Variants in GOLM1 observed in about 807,000 individuals in gnomAD.
GOLM1 encodes golgi membrane protein 1.
GOLM1 carries 31 observed loss-of-function variants against 50.5 expected under a neutral mutation model. That is an observed-to-expected ratio of 0.61 (90% CI 0.46 to 0.83). The LOEUF (loss-of-function observed/expected upper bound fraction) is 0.83. Among genes scored for constraint, GOLM1 ranks in the 40% least tolerant of loss-of-function variants. GOLM1 has a pLI of 0.00. For synonymous variants in GOLM1, 178 were observed against 192.8 expected, an observed-to-expected ratio of 0.92 and a Z score of 0.64; for missense variants, 491 against 501.3, an observed-to-expected ratio of 0.98 and a Z score of 0.20.
At chr9:86,053,556 T>TCC (rs1833860094) in intron 3 of GOLM1, among the ~76,000 whole-genome samples, 5 of 374 alleles carry the variant, frequency 0.013, 2 homozygotes, top group Non-Finnish European at 0.022. Context: ...AAACACACAC[T>TCC]ACACACACAC....
chr9:86,071,657 A>G (rs1325534986), intron 3 of GOLM1, among the ~76,000 whole-genome samples: 1 of 151,958 alleles, frequency 6.6e-6, no homozygotes, highest in Non-Finnish European at 1.5e-5. Flanking sequence ...TGGGCAACAG[A>G]GTGAGACTCT....
chr9:86,047,308 C>G (rs1435646126), intron 4 of GOLM1, among the ~76,000 whole-genome samples: 1 of 152,206 alleles, frequency 6.6e-6, no homozygotes, highest in African/African-American at 2.4e-5. Flanking sequence ...CGGACACAGC[C>G]AGGACAGACA....
chr9:86,062,496 G>A (rs945294078), intron 3 of GOLM1, among the ~76,000 whole-genome samples: 2 of 151,378 alleles, frequency 1.3e-5, no homozygotes, highest in Admixed American at 1.3e-4. Context: ...GAGGAGGGAG[G>A]AAGAGGAGGA....
chr9:86,037,787 G>A (rs1043549582), intron 6 of GOLM1, among the ~76,000 whole-genome samples: 2 of 152,316 alleles, frequency 1.3e-5, no homozygotes, highest in Non-Finnish European at 2.9e-5. Context: ...ACGGGAACTG[G>A]TGTCAGGGTG....
rs1833315620 is a variant in GOLM1, at chr9:86,040,721, C to T, written c.597+18G>A. ...AGGGGTACCTTCTAGAAACTCTTGG[C>T]AAAAATTCCCCAGTTACCTGCTGTC... is the stretch of plus-strand genomic sequence containing the variant. On this transcript the variant is annotated intron_variant, in intron 6 of 9. Transcript: ENST00000388712. The T allele has an allele frequency of 6.2e-7, 1 of 1,603,626 alleles. No homozygotes were observed. The highest frequency in any genetic ancestry group is 8.5e-7 in the Non-Finnish European group (1 of 1,176,842).
Position 86,036,324 on chromosome 9 carries a change from G to A in GOLM1, c.757+24C>T, listed in dbSNP as rs754992372. The A allele has an allele frequency of 1.4e-5, 22 of 1,613,438 alleles. No homozygotes were observed. In the South Asian group the frequency reaches 2.4e-4, roughly 18 times the overall value. Reference sequence around the variant, plus strand: ...ATGGGGCTCTGGAGAGCTGGGAACAGGGCAACTGCTGGGCTCTGCTTACCT... The same window carrying A: ...ATGGGGCTCTGGAGAGCTGGGAACAAGGCAACTGCTGGGCTCTGCTTACCT... On this transcript the variant is annotated intron_variant, in intron 7 of 9. Transcript: ENST00000388712.
intron 5 of GOLM1, 147 bp from the exon 6 acceptor site, chr9:86,041,015 G>A (rs1218895237): frequency 3.1e-6 from 2 of 643,230 alleles, no homozygotes; most frequent in Non-Finnish European, 5.4e-6. Context: ...GGCAACACGG[G>A]TGTGTGTTCA....
chr9:86,076,173 C>T (rs1834604593), intron 3 of GOLM1, among the ~76,000 whole-genome samples: 1 of 152,026 alleles, frequency 6.6e-6, no homozygotes, highest in Non-Finnish European at 1.5e-5. Flanking sequence ...AATCTCAGCA[C>T]TTTGGGAGGC....
intron 3 of GOLM1, among the ~76,000 whole-genome samples, chr9:86,074,462 T>C (rs1416546350): frequency 6.6e-6 from 1 of 152,204 alleles, no homozygotes; most frequent in African/African-American, 2.4e-5. Flanking sequence ...GCTTCAGCAC[T>C]GACCAACTCA....
At chr9:86,069,940 G>A (rs1474945198) in intron 3 of GOLM1, among the ~76,000 whole-genome samples, 1 of 152,138 alleles carries the variant, frequency 6.6e-6, no homozygotes, top group Non-Finnish European at 1.5e-5. Flanking sequence ...CTGGAGTGCA[G>A]TAGTGCAGTC....
intron 9 of GOLM1, among the ~76,000 whole-genome samples, chr9:86,029,643 T>C (rs1164246202): frequency 6.6e-6 from 1 of 152,214 alleles, no homozygotes; most frequent in Non-Finnish European, 1.5e-5. Flanking sequence ...CTTAATAAAG[T>C]TGGAGCTAAT....
intron 1 of GOLM1, among the ~76,000 whole-genome samples, chr9:86,094,111 G>A (rs957862405): frequency 1.3e-5 from 2 of 152,086 alleles, no homozygotes; most frequent in South Asian, 4.1e-4. Flanking sequence ...TCCCAAGAAT[G>A]TCTCTAAGCC....
At chr9:86,067,195 G>A (rs1349037181) in intron 3 of GOLM1, among the ~76,000 whole-genome samples, 1 of 152,160 alleles carries the variant, frequency 6.6e-6, no homozygotes, top group African/African-American at 2.4e-5. Flanking sequence ...AAAGTGCTGG[G>A]ATTACAGGTA....
At chr9:86,042,112 G>T (rs1161923941) in intron 5 of GOLM1, among the ~76,000 whole-genome samples, 13 of 152,130 alleles carry the variant, frequency 8.5e-5, no homozygotes. Context: ...GCGAGACTCC[G>T]TCTCAAAAAA....
chr9:86,053,613 A>ACCATT (rs1564347457), intron 3 of GOLM1, among the ~76,000 whole-genome samples: 20 of 8,260 alleles, frequency 2.4e-3, no homozygotes, highest in Middle Eastern at 0.056. Flanking sequence ...CACATCACAC[A>ACCATT]CCACACCAAA....
chr9:86,094,543 C>G (rs1835294439), intron 1 of GOLM1, among the ~76,000 whole-genome samples: 1 of 152,160 alleles, frequency 6.6e-6, no homozygotes, highest in African/African-American at 2.4e-5. Flanking sequence ...GTAGTAGAAA[C>G]ACCAAAAAGC....
intron 3 of GOLM1, among the ~76,000 whole-genome samples, chr9:86,075,582 T>C (rs1834585582): frequency 6.6e-6 from 1 of 152,162 alleles, no homozygotes; most frequent in Non-Finnish European, 1.5e-5. Context: ...GAGGGAACTT[T>C]AAACCCGGGT....
rs781563410 is a variant in GOLM1 at position 86,040,784 on chromosome 9, A to G, written c.552T>C (p.Ala184=). The change falls in exon 6 of 10, where the codon GCT becomes GCC. Residue 184 remains alanine (A), a synonymous_variant. Transcript: ENST00000388712. The part of the protein sequence containing the change: ...IEEVTKKGNE[A]VASRDLSENN... ...TTTCACTCAGGTCTCTGGAAGCTAC[A>G]GCTTCATTCCCCTTTTTGGTGACCT... 1.2e-6 allele frequency: 2 copies of G among 1,614,028 alleles called. No individual in the cohort carries two copies. Among genetic ancestry groups the G allele is most frequent in the East Asian group, 2.2e-5 (1 of 44,886 alleles).
At chr9:86,031,527 T>A (rs1164827905) in intron 9 of GOLM1, among the ~76,000 whole-genome samples, 2 of 131,386 alleles carry the variant, frequency 1.5e-5, no homozygotes, top group Non-Finnish European at 1.6e-5. Context: ...AATGTCACAA[T>A]CTCGGCTCAC....
Sources: allele counts gnomAD v4.1 joint callset (sites outside exome capture counted in the v4.1 genomes callset), GRCh38; gene constraint gnomAD v4.1.1; transcripts MANE v1.5; gene names NCBI Gene and HGNC (gene_info 2026-07-23, HGNC 2026-07-21).